Variants in OR56A3 observed in about 807,000 individuals in gnomAD.
OR56A3 encodes the protein olfactory receptor family 56 subfamily A member 3, also known as olfactory receptor 56A3.
OR56A3 carries 23 observed loss-of-function variants against 17.5 expected under a neutral mutation model. The ratio of observed to expected loss-of-function variants is 1.32; its 90% CI spans 0.95 to 1.87. OR56A3 has a LOEUF of 1.87. Ranked by LOEUF, OR56A3 falls within the 40% of genes most tolerant of loss-of-function variation. The pLI, the probability that OR56A3 is intolerant of heterozygous loss-of-function variation, is 0.00. For synonymous variants in OR56A3, 175 were observed against 150.6 expected, an observed-to-expected ratio of 1.16 and a Z score of -1.19; for missense variants, 366 against 380.1, an observed-to-expected ratio of 0.96 and a Z score of 0.31.
the OR56A3 span, among the ~76,000 whole-genome samples, chr11:5,988,320 T>TA: frequency 5.9e-5 from 9 of 151,982 alleles, no homozygotes; most frequent in Non-Finnish European, 1.2e-4. Context: ...TTTGTTTTTT[T>TA]AAAGAAACAT....
chr11:5,986,800 C>T, the OR56A3 span: 1 of 1,613,884 alleles, frequency 6.2e-7, no homozygotes, highest in South Asian at 1.1e-5. Context: ...CAGTGCAATC[C>T]AGTGCTGGCT....
chr11:5,946,232 C>T (rs776384982), intron 2 of OR56A3, among the ~76,000 whole-genome samples: 4 of 152,240 alleles, frequency 2.6e-5, no homozygotes, highest in Admixed American at 6.5e-5. Context: ...CTCAACTCTC[C>T]TCTGCAGTCT....
downstream of OR56A3, among the ~76,000 whole-genome samples, chr11:5,953,295 T>A (rs567594120): frequency 6.6e-6 from 1 of 152,314 alleles, no homozygotes; most frequent in East Asian, 1.9e-4. Context: ...TCCCTTTCAC[T>A]GCAGCCTTGC....
the OR56A3 span, among the ~76,000 whole-genome samples, chr11:5,988,219 T>C: frequency 6.6e-6 from 1 of 152,214 alleles, no homozygotes; most frequent in East Asian, 1.9e-4. Flanking sequence ...GTCAGATGAA[T>C]ATTGATTATG....
the OR56A3 span, among the ~76,000 whole-genome samples, chr11:6,008,547 G>A: frequency 6.6e-6 from 1 of 151,906 alleles, no homozygotes; most frequent in Non-Finnish European, 1.5e-5. Context: ...TGATGCTTTT[G>A]TTCGAATGCT....
the OR56A3 span, among the ~76,000 whole-genome samples, chr11:5,976,028 T>TA: frequency 4.0e-5 from 6 of 151,478 alleles, no homozygotes; most frequent in East Asian, 1.9e-4. Flanking sequence ...GTTTTTCAAT[T>TA]AAAAAAAAGA....
the OR56A3 span, chr11:5,994,629 T>C: frequency 2.6e-6 from 2 of 782,248 alleles, no homozygotes; most frequent in East Asian, 4.9e-5. Flanking sequence ...ATTTCGCTCT[T>C]CACAGACTGG....
At chr11:5,943,778 CT>C (rs1381886508) in intron 1 of OR56A3, among the ~76,000 whole-genome samples, 13 of 152,116 alleles carry the variant, frequency 8.5e-5, no homozygotes, top group Non-Finnish European at 1.5e-4. Flanking sequence ...AACCAAGAGG[CT>C]GTGATTTTTA....
chr11:5,967,661 C>G, the OR56A3 span: 27 of 1,613,806 alleles, frequency 1.7e-5, no homozygotes, highest in Non-Finnish European at 2.0e-5. Context: ...GGATGTTGAG[C>G]AGGATGGGGA....
chr11:6,021,027 C>G, the OR56A3 span: 1 of 152,002 alleles, frequency 6.6e-6, no homozygotes, highest in African/African-American at 2.4e-5. Flanking sequence ...CAGTCCTTCT[C>G]AAGTCTGACA....
At chr11:5,973,703 C>T in the OR56A3 span, among the ~76,000 whole-genome samples, 4 of 152,080 alleles carry the variant, frequency 2.6e-5, no homozygotes, top group African/African-American at 9.7e-5. Context: ...TATCTGACCA[C>T]AAATCTCTTG....
chr11:5,997,933 A>G, the OR56A3 span, among the ~76,000 whole-genome samples: 1 of 152,190 alleles, frequency 6.6e-6, no homozygotes, highest in Non-Finnish European at 1.5e-5. Context: ...TGATAAGAGC[A>G]TGAAAATCCA....
At chr11:6,006,771 C>T in the OR56A3 span, 1 of 152,194 alleles carries the variant, frequency 6.6e-6, no homozygotes, top group African/African-American at 2.4e-5. Flanking sequence ...TGTACCAGAA[C>T]CTAAGTACTG....
chr11:6,007,784 A>G, the OR56A3 span, among the ~76,000 whole-genome samples: 1 of 152,196 alleles, frequency 6.6e-6, no homozygotes, highest in Non-Finnish European at 1.5e-5. Flanking sequence ...GAACATTCCC[A>G]CCAATGAAAG....
chr11:5,994,236 G>A, the OR56A3 span: 1 of 550,724 alleles, frequency 1.8e-6, no homozygotes, highest in East Asian at 4.3e-5. Context: ...TTCTCATCCA[G>A]TCCAGGTCTA....
At chr11:6,021,655 G>A in the OR56A3 span, 1 of 151,326 alleles carries the variant, frequency 6.6e-6, no homozygotes, top group Non-Finnish European at 1.5e-5. Context: ...AGGATAATGG[G>A]AACATTAATA....
the OR56A3 span, among the ~76,000 whole-genome samples, chr11:6,004,578 C>A: frequency 6.6e-6 from 1 of 152,104 alleles, no homozygotes; most frequent in Non-Finnish European, 1.5e-5. Context: ...ATAAATTATA[C>A]AATATACATT....
At chr11:5,960,656 AT>A in the OR56A3 span, among the ~76,000 whole-genome samples, 1 of 152,272 alleles carries the variant, frequency 6.6e-6, no homozygotes, top group Non-Finnish European at 1.5e-5. Flanking sequence ...AAGTGCTGAG[AT>A]TGCAGCCTCT....
chr11:6,001,797 T>C, the OR56A3 span: 1 of 395,554 alleles, frequency 2.5e-6, no homozygotes, highest in Non-Finnish European at 4.5e-6. Flanking sequence ...GCAAGATTCT[T>C]TGTTGCAGAT....
Sources: allele counts gnomAD v4.1 joint callset (sites outside exome capture counted in the v4.1 genomes callset), GRCh38; gene constraint gnomAD v4.1.1; transcripts MANE v1.5; gene names NCBI Gene and HGNC (gene_info 2026-07-23, HGNC 2026-07-21).